The following MRE11 variants were observed in gnomAD, a reference collection of about 807,000 sequenced individuals.
MRE11 encodes double-strand break repair protein MRE11.
A neutral mutation model predicts 91.7 loss-of-function variants in MRE11; 62 were observed. The ratio of observed to expected loss-of-function variants is 0.68; its 90% CI spans 0.55 to 0.84. The LOEUF (loss-of-function observed/expected upper bound fraction) is 0.84. MRE11 is among the 40% of genes least tolerant of loss of function. MRE11 has a pLI of 0.00. For synonymous variants in MRE11, 273 were observed against 271.4 expected (o/e 1.01, Z -0.06); for missense variants, 796 against 852.9 (o/e 0.93, Z 0.83).
At chr11:94,467,093 C>T (rs1478095146) in intron 10 of MRE11, among the ~76,000 whole-genome samples, 1 of 152,076 alleles carries the variant, frequency 6.6e-6, no homozygotes, top group Non-Finnish European at 1.5e-5. Context: ...AAGTCAGAGC[C>T]TTGGTTATAG....
chr11:94,478,224 T>C (rs1055928076), intron 6 of MRE11, among the ~76,000 whole-genome samples: 2 of 152,160 alleles, frequency 1.3e-5, no homozygotes, highest in Non-Finnish European at 2.9e-5. Context: ...GGAGATATGA[T>C]CCCTAATAAC....
rs1380823508 is a variant in MRE11 at position 94,419,312 on chromosome 11, T to C, written c.*813A>G. 4.3e-6 allele frequency: 1 copy of C among 232,918 alleles called. No homozygotes were observed. Among genetic ancestry groups the C allele is most frequent in the East Asian group, 6.1e-5 (1 of 16,502 alleles). 14.4% of individuals were successfully genotyped at this position (232,918 alleles called of 1,614,324 possible). ...TCTATACTTTACTGTAAGGTTCAAC[T>C]GACCACTCTACCTAAAACAAATTCT... On this transcript the variant is annotated 3_prime_UTR_variant, in exon 20 of 20. Coordinates refer to ENST00000323929, the MANE Select transcript of MRE11 (RefSeq NM_005591.4).
chr11:94,480,895 G>A (rs1274852485), intron 4 of MRE11, among the ~76,000 whole-genome samples: 5 of 152,306 alleles, frequency 3.3e-5, no homozygotes, highest in Non-Finnish European at 1.5e-5. Context: ...ATTTTCAAAG[G>A]TTCTTAGGTA....
At chr11:94,496,532 C>T, upstream of MRE11, 4 of 635,536 alleles carry the variant, frequency 6.3e-6, no homozygotes, top group Non-Finnish European at 1.0e-5. Context: ...TATATGTTTG[C>T]AAGACTTATC....
chr11:94,454,325 C>A (rs1336762171), intron 14 of MRE11, among the ~76,000 whole-genome samples: 1 of 152,190 alleles, frequency 6.6e-6, no homozygotes, highest in East Asian at 1.9e-4. Context: ...CCACCTGCCT[C>A]GGCCTCCCAA....
intron 19 of MRE11, among the ~76,000 whole-genome samples, chr11:94,423,299 C>T (rs1283782241): frequency 6.6e-6 from 1 of 152,140 alleles, no homozygotes; most frequent in Non-Finnish European, 1.5e-5. Context: ...GATGGGGCAG[C>T]ACACTCTCAC....
At chr11:94,443,149 A>C (rs1425108135) in intron 16 of MRE11, among the ~76,000 whole-genome samples, 1 of 152,238 alleles carries the variant, frequency 6.6e-6, no homozygotes, top group Non-Finnish European at 1.5e-5. Flanking sequence ...AGTGATACTT[A>C]CTTCCAAGGC....
chr11:94,497,064 C>G, upstream of MRE11: 4 of 1,377,540 alleles, frequency 2.9e-6, no homozygotes, highest in Non-Finnish European at 4.1e-6. Flanking sequence ...ATTGTGAGGA[C>G]CAAATGAGAC....
the MRE11 span, among the ~76,000 whole-genome samples, chr11:94,502,908 CAAGT>C: frequency 2.0e-5 from 3 of 152,148 alleles, no homozygotes; most frequent in African/African-American, 7.2e-5. Context: ...CTCCTGGCCT[CAAGT>C]AATCTGCTGG....
chr11:94,488,537 G>A (rs1241629084), intron 3 of MRE11, among the ~76,000 whole-genome samples: 1 of 152,088 alleles, frequency 6.6e-6, no homozygotes, highest in Non-Finnish European at 1.5e-5. Context: ...CAATAGCAAA[G>A]ACATGGAATC....
intron 13 of MRE11, 94 bp downstream of exon 13, chr11:94,459,314 G>A: frequency 8.0e-7 from 1 of 1,246,972 alleles, no homozygotes; most frequent in Non-Finnish European, 1.2e-6. Flanking sequence ...ACAAATCAGA[G>A]AGGTTAAATA....
chr11:94,494,834 A>G (rs1489268383), upstream of MRE11, among the ~76,000 whole-genome samples: 1 of 152,214 alleles, frequency 6.6e-6, no homozygotes, highest in African/African-American at 2.4e-5. Context: ...AGGTTACTAT[A>G]TTTGATATAA....
Position 94,419,465 on chromosome 11 carries a change from G to GGGGAGAGAGGGAGAGAGAGAGAGAGA in MRE11, c.*659_*660insTCTCTCTCTCTCTCTCCCTCTCTCCC, listed in dbSNP as rs373002609. The GGGGAGAGAGGGAGAGAGAGAGAGAGA allele has an allele frequency of 1.2e-4, 27 of 216,420 alleles. No individual in the cohort carries two copies. The highest frequency in any genetic ancestry group is 2.0e-4 in the Non-Finnish European group (23 of 112,936). The allele number at this position is 216,420 out of a possible 1,614,324, so 13.4% of individuals were successfully genotyped here. On this transcript the variant is annotated 3_prime_UTR_variant, in exon 20 of 20. Transcript: ENST00000323929. ...GAAGAGTGGGGAACGGGGGGGAGAGGGAGAGAGAGAGAGAGAGAGAGAGAG... is the reference window on the plus strand; with the variant it reads ...GAAGAGTGGGGAACGGGGGGGAGAGGGGGAGAGAGGGAGAGAGAGAGAGAGAGAGAGAGAGAGAGAGAGAGAGAGAG...
intron 14 of MRE11, among the ~76,000 whole-genome samples, chr11:94,450,616 C>T (rs546632935): frequency 6.6e-6 from 1 of 152,130 alleles, no homozygotes; most frequent in East Asian, 1.9e-4. Flanking sequence ...TGAAAACAAA[C>T]CAGAGTCAAA....
In MRE11 at chr11:94,459,417, G is replaced by A. The variant is rs199634245; in HGVS notation, c.1491C>T (p.Ile497=). 3.0e-4 allele frequency: 485 copies of A among 1,613,868 alleles called. 2 individuals carry two copies. The highest frequency in any genetic ancestry group is 2.8e-3 in the South Asian group (253 of 91,062). Residue 497 remains isoleucine (I), a synonymous_variant, in exon 13 of 20, where the codon ATC becomes ATT. Coordinates refer to ENST00000323929, the MANE Select transcript of MRE11 (RefSeq NM_005591.4). ...ERHIDALEDK[I]DEEVRRFRET... is the part of the protein sequence containing the mutation. ...CAAATTAGTTACTTACCTCCTCATC[G>A]ATTTTGTCTTCGAGGGCATCAATAT...
chr11:94,459,525 A>G lies in MRE11; in HGVS notation c.1383T>C (p.Phe461=), dbSNP rs759049812. ...ERGMGEAVQE[F]VDKEEKDAIE... ...TGGCATCTTTCTCCTCCTTGTCCAC[A>G]AATTCTTGTACTGCTTCACCCATCC... The change falls in exon 13 of 20, where the codon TTT becomes TTC. Residue 461 remains phenylalanine, a synonymous_variant. Transcript: ENST00000323929. The G allele has an allele frequency of 3.7e-6, 6 of 1,614,068 alleles. No individual in the cohort carries two copies. Among genetic ancestry groups the G allele is most frequent in the Non-Finnish European group, 5.1e-6 (6 of 1,179,944 alleles).
chr11:94,470,714 C>T, intron 8 of MRE11, 72 bp from the exon 9 acceptor site: 1 of 1,476,256 alleles, frequency 6.8e-7, no homozygotes, highest in Non-Finnish European at 9.4e-7. Context: ...CGAAAGCTTT[C>T]ATATTTCTTA....
At chr11:94,506,875 C>T in the MRE11 span, among the ~76,000 whole-genome samples, 1 of 152,082 alleles carries the variant, frequency 6.6e-6, no homozygotes, top group Non-Finnish European at 1.5e-5. Context: ...TAGGTGTGAG[C>T]CACGGTGCCA....
intron 7 of MRE11, chr11:94,473,389 C>T (rs1946767700): frequency 1.3e-5 from 2 of 152,024 alleles, no homozygotes; most frequent in Admixed American, 1.3e-4. Flanking sequence ...AATTTGTGAC[C>T]TAGAAGTGAT....
Sources: gnomAD v4.1 joint callset for allele counts (sites outside exome capture counted in the v4.1 genomes callset) on GRCh38, gnomAD v4.1.1 for gene constraint, MANE v1.5 for transcripts, NCBI Gene and HGNC (gene_info 2026-07-23, HGNC 2026-07-21) for gene names.